VPS13A: variants seen among roughly 807,000 people sequenced by gnomAD.
VPS13A encodes the protein vacuolar protein sorting 13 homolog A, also known as intermembrane lipid transfer protein VPS13A.
VPS13A carries 264 observed loss-of-function variants against 390.9 expected under a neutral mutation model. The observed-to-expected ratio is 0.68, with a 90% CI of 0.61 to 0.75. The LOEUF (loss-of-function observed/expected upper bound fraction) is 0.75. Ranked by LOEUF, VPS13A falls within the 30% of genes least tolerant of loss-of-function variation. VPS13A has a pLI of 0.00. For missense variants in VPS13A, 3,409 were observed against 3,733.9 expected (o/e 0.91, Z 2.27); for synonymous variants, 1,231 against 1,227.1 (o/e 1.00, Z -0.07).
At chr9:77,180,158 A>G (rs559316481) in intron 1 of VPS13A, among the ~76,000 whole-genome samples, 2 of 152,152 alleles carry the variant, frequency 1.3e-5, no homozygotes, top group Admixed American at 1.3e-4. Flanking sequence ...TTTGGATATT[A>G]TGAATAATGC....
At position 77,384,905 on chromosome 9, in the gene VPS13A, G is replaced by C. The variant is rs116588612; in HGVS notation, c.9189+2818G>C. 2.0e-5 allele frequency: 27 copies of C among 1,369,298 alleles called. No homozygotes were observed. In the African/African-American group the frequency reaches 3.8e-4, roughly 19 times the overall value. The allele number at this position is 1,369,298 out of a possible 1,614,324, so 84.8% of individuals were successfully genotyped here. On this transcript the variant is annotated intron_variant, in intron 68 of 71. Coordinates refer to ENST00000360280, the MANE Select transcript of VPS13A (RefSeq NM_033305.3). ...AGGGCATCCAACATATTATAGATTT[G>C]CTTTTATATATTTTATAGCTTTGTA...
At chr9:77,185,304 G>C (rs1824266266) in intron 1 of VPS13A, among the ~76,000 whole-genome samples, 1 of 152,044 alleles carries the variant, frequency 6.6e-6, no homozygotes, top group African/African-American at 2.4e-5. Flanking sequence ...ACCACACCAG[G>C]CTACTTTTTG....
chr9:77,363,475 T>G (rs921827158), intron 59 of VPS13A, among the ~76,000 whole-genome samples: 1 of 142,326 alleles, frequency 7.0e-6, no homozygotes, highest in Non-Finnish European at 1.5e-5. Flanking sequence ...AAAAGCAATC[T>G]CAGCTCACTA....
chr9:77,320,893 C>T (rs1049244647), intron 42 of VPS13A, among the ~76,000 whole-genome samples: 2 of 151,886 alleles, frequency 1.3e-5, no homozygotes, highest in African/African-American at 4.8e-5. Flanking sequence ...TATTCAGATC[C>T]CGGGTACACA....
intron 53 of VPS13A, among the ~76,000 whole-genome samples, chr9:77,352,948 C>T (rs1831552232): frequency 6.6e-6 from 1 of 151,994 alleles, no homozygotes; most frequent in African/African-American, 2.4e-5. Context: ...GCAGAAATAG[C>T]CTCATGATGA....
chr9:77,323,099 C>A lies in VPS13A; in HGVS notation c.5863C>A (p.Pro1955Thr), dbSNP rs1829834499. 6.2e-7 allele frequency: 1 copy of A among 1,612,820 alleles called. No individual in the cohort carries two copies. Among genetic ancestry groups the A allele is most frequent in the East Asian group, 2.2e-5 (1 of 44,828 alleles). The change falls in exon 45 of 72, where the codon CCT (proline) becomes ACT (threonine). Residue 1955 changes from proline (P) to threonine (T), a missense_variant. Pro to Thr is a conservative substitution (Grantham distance 38). Coordinates refer to ENST00000360280, the MANE Select transcript of VPS13A (RefSeq NM_033305.3). ...TAACCATTCTACTGCTGATAAGATT[C>A]CTTTAACAAAAGTGGGACGACGTCT... Reference protein sequence around the residue: ...PVNHSTADKIPLTKVGRRLYT... With the variant: ...PVNHSTADKITLTKVGRRLYT...
rs759586753 is a variant in VPS13A at position 77,339,509 on chromosome 9, A to G, written c.6379-7A>G. 2 of 1,305,780 alleles carry G rather than the reference A, an allele frequency of 1.5e-6. No homozygotes were observed. The highest frequency in any genetic ancestry group is 2.0e-6 in the Non-Finnish European group (2 of 1,003,374). The allele number at this position is 1,305,780 out of a possible 1,614,324, so 80.9% of individuals were successfully genotyped here. On this transcript the variant is annotated splice_polypyrimidine_tract_variant and splice_region_variant and intron_variant, in intron 47 of 71. Coordinates refer to ENST00000360280, the MANE Select transcript of VPS13A (RefSeq NM_033305.3). The stretch of plus-strand genomic sequence containing the variant: ...ATTTTGTTTTGTTTTTTTTTTTTTT[A>G]TTACAGGGAATTGAAAATTCGGTTT...
chr9:77,210,345 C>T (rs1178581360), intron 6 of VPS13A, among the ~76,000 whole-genome samples: 1 of 141,950 alleles, frequency 7.0e-6, no homozygotes, highest in Non-Finnish European at 1.5e-5. Context: ...GATCCTCCCA[C>T]CTCACCCCCA....
At chr9:77,225,864 CTTAAG>C in intron 13 of VPS13A, 57 bp from the exon 14 acceptor site, 1 of 1,315,784 alleles carries the variant, frequency 7.6e-7, no homozygotes, top group Non-Finnish European at 1.1e-6. Context: ...AGATTATGTG[CTTAAG>C]TTAATTATGT....
intron 60 of VPS13A, 115 bp from the exon 61 acceptor site, chr9:77,366,612 A>C (rs1036921097): frequency 1.1e-6 from 1 of 884,014 alleles, no homozygotes; most frequent in African/African-American, 1.7e-5. Context: ...TAATCCAGAT[A>C]ACTTTGAAAT....
chr9:77,402,852 T>C (rs1223729807), intron 68 of VPS13A, among the ~76,000 whole-genome samples: 2 of 152,232 alleles, frequency 1.3e-5, no homozygotes, highest in Non-Finnish European at 2.9e-5. Context: ...GTAATTTATG[T>C]GATGCATATG....
intron 71 of VPS13A, among the ~76,000 whole-genome samples, chr9:77,410,008 T>A (rs1183849524): frequency 6.6e-6 from 1 of 151,438 alleles, no homozygotes; most frequent in Non-Finnish European, 1.5e-5. Context: ...TTCACCAAAG[T>A]TGGAATGAAG....
intron 19 of VPS13A, among the ~76,000 whole-genome samples, chr9:77,244,309 G>A (rs906386638): frequency 6.6e-6 from 1 of 151,796 alleles, no homozygotes; most frequent in Admixed American, 6.6e-5. Flanking sequence ...CTAGGAAGAG[G>A]TCTCTCTCTT....
rs201250204 is a variant in VPS13A, at chr9:77,319,585, A to G, written c.5327A>G (p.Asn1776Ser). ...TTCTCTCTGTAGGTGCATTATTATA[A>G]TGAAATGTTTGGTGTATGGGAGCCT... ...CQLELEVHYYNEMFGVWEPLL... is the reference protein window; with the variant it reads ...CQLELEVHYYSEMFGVWEPLL... The change falls in exon 42 of 72, where the codon AAT becomes AGT. Residue 1776 changes from asparagine (N) to serine (S), a missense_variant. Asn to Ser is a conservative substitution (Grantham distance 46). This residue lies in a region of VPS13A where 2,717 missense variants were observed against 2,917.4 expected (regional missense o/e 0.93). Coordinates refer to ENST00000360280, the MANE Select transcript of VPS13A (RefSeq NM_033305.3). 114 of 1,604,818 alleles carry G rather than the reference A, an allele frequency of 7.1e-5. No homozygotes were observed. The highest frequency in any genetic ancestry group is 9.4e-5 in the Non-Finnish European group (110 of 1,172,096).
chr9:77,318,406 G>C lies in VPS13A; in HGVS notation c.5128G>C (p.Ala1710Pro), dbSNP rs1325071063. ...LEESNETEKI[A>P]PTTELVPKGE... The stretch of plus-strand genomic sequence containing the variant: ...AGAATCAAATGAAACTGAAAAAATA[G>C]CTCCCACAACTGAATTGGTACCCAA... The change falls in exon 41 of 72, where the codon GCT (alanine) becomes CCT (proline). Residue 1710 changes from alanine (A) to proline (P), a missense_variant. Transcript: ENST00000360280. 4 of 1,613,814 alleles carry C rather than the reference G, an allele frequency of 2.5e-6. No individual in the cohort carries two copies. The highest frequency in any genetic ancestry group is 1.3e-5 in the African/African-American group (1 of 75,006).
chr9:77,280,937 C>T (rs1826984621), intron 27 of VPS13A, among the ~76,000 whole-genome samples: 1 of 151,956 alleles, frequency 6.6e-6, no homozygotes, highest in Admixed American at 6.6e-5. Flanking sequence ...CAAAATGAAA[C>T]ACTATTCAGC....
At chr9:77,359,167 A>G (rs1258619110) in intron 57 of VPS13A, among the ~76,000 whole-genome samples, 166 bp from the exon 58 acceptor site, 1 of 152,226 alleles carries the variant, frequency 6.6e-6, no homozygotes, top group Non-Finnish European at 1.5e-5. Flanking sequence ...AAACAATGCT[A>G]GAGTCTGAAA....
chr9:77,199,373 C>T (rs766591731), intron 1 of VPS13A, among the ~76,000 whole-genome samples: 1 of 152,026 alleles, frequency 6.6e-6, no homozygotes, highest in Non-Finnish European at 1.5e-5. Flanking sequence ...TTTGTGGTTA[C>T]GATGGGGTTA....
rs190714824 is a variant in VPS13A, at chr9:77,391,053, C to G, written c.9189+8966C>G. ...AATTTGAGTCTTACATCTTTTTAAT[C>G]AAAGATCTGTCAATACAGCTAAAAG... is the stretch of plus-strand genomic sequence containing the variant. On this transcript the variant is annotated intron_variant, in intron 68 of 71. Transcript: ENST00000360280. Among the ~76,000 whole-genome samples, 18 of 152,212 alleles carry G rather than the reference C, an allele frequency of 1.2e-4. No homozygotes were observed. In the East Asian group the frequency reaches 3.5e-3, roughly 29 times the overall value.
Sources: gnomAD v4.1 joint callset for allele counts (sites outside exome capture counted in the v4.1 genomes callset) on GRCh38, gnomAD v4.1.1 for gene constraint, gnomAD v4.1.1 regional missense constraint, MANE v1.5 for transcripts, NCBI Gene and HGNC (gene_info 2026-07-23, HGNC 2026-07-21) for gene names.